WDR25: variants seen among roughly 807,000 people sequenced by gnomAD.
WDR25 encodes WD repeat-containing protein 25.
A neutral mutation model predicts 47.7 loss-of-function variants in WDR25; 35 were observed. The ratio of observed to expected loss-of-function variants is 0.73; its 90% CI spans 0.56 to 0.97. WDR25 has a LOEUF of 0.97. Among genes scored for constraint, WDR25 ranks in the 50% least tolerant of loss-of-function variants. WDR25 has a pLI of 0.00. For missense variants in WDR25, 634 were observed against 704.7 expected (o/e 0.90, Z 1.14); for synonymous variants, 248 against 278.9 (o/e 0.89, Z 1.10).
rs1896888943 is a variant in WDR25, at chr14:100,381,324, T to C, written c.400T>C (p.Phe134Leu). The C allele has an allele frequency of 1.2e-6, 2 of 1,614,234 alleles. No individual in the cohort carries two copies. Among genetic ancestry groups the C allele is most frequent in the African/African-American group, 1.3e-5 (1 of 75,060 alleles). The change falls in exon 2 of 7, where the codon TTT (phenylalanine) becomes CTT (leucine). Residue 134 changes from phenylalanine (F) to leucine (L), a missense_variant. Physicochemically the swap from Phe to Leu is conservative, Grantham distance 22 (BLOSUM62 0). Coordinates refer to ENST00000402312, the MANE Select transcript of WDR25 (RefSeq NM_001161476.3). ...CCACATGCCCCTGGCAGCTGCCCGC[T>C]TTAAGCAAGTAAAACTCTCCAGGAA... ...ASHMPLAAARFKQVKLSRNFP... is the reference protein window; with the variant it reads ...ASHMPLAAARLKQVKLSRNFP...
At chr14:100,513,299 A>G (rs1011052868) in intron 4 of WDR25, among the ~76,000 whole-genome samples, 1 of 152,168 alleles carries the variant, frequency 6.6e-6, no homozygotes, top group African/African-American at 2.4e-5. Context: ...AGTGTAGTTA[A>G]TGCCTTTATA....
At position 100,424,330 on chromosome 14, in the gene WDR25, C is replaced by G. The variant is rs1347463804; in HGVS notation, c.822+42584C>G. On this transcript the variant is annotated intron_variant, in intron 2 of 6. Transcript: ENST00000402312. This position sits in a 1 kb window ranked among gnomAD's most constrained non-coding sequence, Gnocchi z 4.2. ...CATTAGCCTCTGTTTCCATGACAGA[C>G]TGTTCACAGCCTCACAGTTTGCATC... 6.6e-6 allele frequency among the ~76,000 whole-genome samples: 1 copy of G among 152,214 alleles called. No individual in the cohort carries two copies. The highest frequency in any genetic ancestry group is 1.5e-5 in the Non-Finnish European group (1 of 68,042).
intron 2 of WDR25, among the ~76,000 whole-genome samples, chr14:100,437,398 G>A (rs1186585456): frequency 1.3e-5 from 2 of 152,144 alleles, no homozygotes; most frequent in Admixed American, 1.3e-4. Flanking sequence ...TTCAGCTCTT[G>A]GGTTTCAGTG....
chr14:100,510,331 C>T (rs930066932), intron 4 of WDR25, among the ~76,000 whole-genome samples: 7 of 152,020 alleles, frequency 4.6e-5, no homozygotes, highest in Non-Finnish European at 8.8e-5. Context: ...GGCAGTGGCA[C>T]GATCATGGCT....
intron 2 of WDR25, among the ~76,000 whole-genome samples, chr14:100,466,709 C>T (rs541194906): frequency 8.5e-5 from 13 of 152,340 alleles, no homozygotes; most frequent in Middle Eastern, 3.4e-3. Flanking sequence ...GGAGGCACTC[C>T]GTTCTGACTC....
intron 2 of WDR25, among the ~76,000 whole-genome samples, chr14:100,414,680 A>G (rs1897819183): frequency 6.6e-6 from 1 of 152,070 alleles, no homozygotes; most frequent in Admixed American, 6.6e-5. Flanking sequence ...TTAGGTACAT[A>G]TTTGGGAGTG....
chr14:100,478,007 G>A (rs540228250), intron 3 of WDR25, among the ~76,000 whole-genome samples: 1 of 152,272 alleles, frequency 6.6e-6, no homozygotes, highest in Admixed American at 6.5e-5. Context: ...CAGGAGAATG[G>A]CGTGAATCTG....
intron 4 of WDR25, among the ~76,000 whole-genome samples, chr14:100,490,832 C>T (rs1276160276): frequency 2.0e-5 from 3 of 152,058 alleles, no homozygotes; most frequent in Non-Finnish European, 4.4e-5. Context: ...TGCTTATTTG[C>T]CTTAATGAGA....
In WDR25 at chr14:100,392,963, T is replaced by C. The variant is rs1165279428; in HGVS notation, c.822+11217T>C. Among the ~76,000 whole-genome samples, 1 of 152,234 alleles carries C rather than the reference T, an allele frequency of 6.6e-6. No homozygotes were observed. The highest frequency in any genetic ancestry group is 1.5e-5 in the Non-Finnish European group (1 of 68,048). On this transcript the variant is annotated intron_variant, in intron 2 of 6. Transcript: ENST00000402312. This position sits in a 1 kb window ranked among gnomAD's most constrained non-coding sequence, Gnocchi z 4.2. ...GTCAGATTGCTTTCCAAAAGGATTA[T>C]ACCAATTTGCACTGCCACCGCAAAG...
Position 100,428,511 on chromosome 14 carries a change from C to T in WDR25, c.823-39510C>T, listed in dbSNP as rs1250368998. On this transcript the variant is annotated intron_variant, in intron 2 of 6. Coordinates refer to ENST00000402312, the MANE Select transcript of WDR25 (RefSeq NM_001161476.3). The surrounding 1 kb of genome is among the most constrained non-coding windows in gnomAD (Gnocchi z 4.3). ...CAGTGCCTGAGCGCCGGGGGCTGCACATGGTGCCTGTCTCTCTGCGTTCTT... is the reference window on the plus strand; with the variant it reads ...CAGTGCCTGAGCGCCGGGGGCTGCATATGGTGCCTGTCTCTCTGCGTTCTT... Among the ~76,000 whole-genome samples the T allele has an allele frequency of 6.6e-6, 1 of 152,158 alleles. No homozygotes were observed. The highest frequency in any genetic ancestry group is 1.9e-4 in the East Asian group (1 of 5,180).
At chr14:100,467,343 G>C (rs1368163784) in intron 2 of WDR25, among the ~76,000 whole-genome samples, 1 of 152,130 alleles carries the variant, frequency 6.6e-6, no homozygotes, top group Non-Finnish European at 1.5e-5. Flanking sequence ...TAAGATGCCA[G>C]GGATGCAGGC....
At chr14:100,478,264 G>A (rs151316637) in intron 3 of WDR25, among the ~76,000 whole-genome samples, 3 of 152,276 alleles carry the variant, frequency 2.0e-5, no homozygotes, top group Non-Finnish European at 4.4e-5. Flanking sequence ...TTCATGCACC[G>A]CGTTACATTT....
Position 100,529,047 on chromosome 14 carries a change from T to G in WDR25, c.1273-21T>G. ...GTTGGGGGTGTCTTCTCTGACCCATTTGTGGCTCTGCTGTTCTCAGGAGAG... is the reference window on the plus strand; with the variant it reads ...GTTGGGGGTGTCTTCTCTGACCCATGTGTGGCTCTGCTGTTCTCAGGAGAG... On this transcript the variant is annotated intron_variant, in intron 5 of 6. Coordinates refer to ENST00000402312, the MANE Select transcript of WDR25 (RefSeq NM_001161476.3). The surrounding 1 kb of genome is among the most constrained non-coding windows in gnomAD (Gnocchi z 5.1). 2 of 1,516,416 alleles carry G rather than the reference T, an allele frequency of 1.3e-6. No individual in the cohort carries two copies. The highest frequency in any genetic ancestry group is 8.9e-7 in the Non-Finnish European group (1 of 1,127,942). The allele number at this position is 1,516,416 out of a possible 1,614,324, so 93.9% of individuals were successfully genotyped here. A position where few individuals can be genotyped will look rare whatever the true frequency, so the allele number is the denominator to read the frequency against.
chr14:100,511,433 T>C (rs757487065), intron 4 of WDR25, among the ~76,000 whole-genome samples: 5 of 152,248 alleles, frequency 3.3e-5, no homozygotes, highest in African/African-American at 7.2e-5. Context: ...GTAGATTCTA[T>C]TGGATTTTCT....
At position 100,499,434 on chromosome 14, in the gene WDR25, G is replaced by T. The variant is rs1296418922; in HGVS notation, c.1101+15310G>T. Among the ~76,000 whole-genome samples the T allele has an allele frequency of 6.6e-6, 1 of 152,140 alleles. No individual in the cohort carries two copies. The highest frequency in any genetic ancestry group is 2.4e-5 in the African/African-American group (1 of 41,418). On this transcript the variant is annotated intron_variant, in intron 4 of 6. Transcript: ENST00000402312. This position sits in a 1 kb window ranked among gnomAD's most constrained non-coding sequence, Gnocchi z 4.4. ...CTTCTCTGCACAATAATTCTTAAAC[G>T]CAGAATTAGTCGAAAGGTAAGCATG...
chr14:100,496,828 C>CTTTTTTTTTTTTTTTTTTTTTTTTTT (rs1226765543), intron 4 of WDR25, among the ~76,000 whole-genome samples: 2 of 73,422 alleles, frequency 2.7e-5, no homozygotes, highest in African/African-American at 5.0e-5. Flanking sequence ...TTCTTTAATT[C>CTTTTTTTTTTTTTTTTTTTTTTTTTT]TTTTTTTTTT....
chr14:100,486,230 C>T (rs1306090570), intron 4 of WDR25, among the ~76,000 whole-genome samples: 1 of 152,124 alleles, frequency 6.6e-6, no homozygotes, highest in African/African-American at 2.4e-5. Context: ...CTGTTTTTAG[C>T]CTCAAAGACC....
chr14:100,437,545 G>A (rs1898537598), intron 2 of WDR25, among the ~76,000 whole-genome samples: 1 of 152,204 alleles, frequency 6.6e-6, no homozygotes, highest in Non-Finnish European at 1.5e-5. Flanking sequence ...TCCTTACTGT[G>A]AAGCAGAGAC....
At chr14:100,453,889 T>A (rs1899119354) in intron 2 of WDR25, among the ~76,000 whole-genome samples, 1 of 152,266 alleles carries the variant, frequency 6.6e-6, no homozygotes, top group East Asian at 1.9e-4. Context: ...CCCTTTGTTC[T>A]GACCTTATTG....
Sources: gnomAD v4.1 joint callset for allele counts (sites outside exome capture counted in the v4.1 genomes callset) on GRCh38, gnomAD v4.1.1 for gene constraint, Gnocchi (gnomAD v3.1) non-coding constraint, MANE v1.5 for transcripts, NCBI Gene and HGNC (gene_info 2026-07-23, HGNC 2026-07-21) for gene names.